The following FGF12 variants were observed in gnomAD, a reference collection of about 807,000 sequenced individuals.
The protein encoded by FGF12 is fibroblast growth factor 12.
Under a neutral mutation model 23.6 loss-of-function variants are expected in FGF12, and 14 were observed. The ratio of observed to expected loss-of-function variants is 0.59; its 90% CI spans 0.39 to 0.93. FGF12 has a LOEUF of 0.93. Among genes scored for constraint, FGF12 ranks in the 40% least tolerant of loss-of-function variants. FGF12 has a pLI of 0.00. For synonymous variants in FGF12, 62 were observed against 77.3 expected (o/e 0.80, Z 1.04); for missense variants, 175 against 217.8 (o/e 0.80, Z 1.24).
intron 2 of FGF12, among the ~76,000 whole-genome samples, chr3:192,378,223 G>A (rs1279326100): frequency 1.3e-5 from 2 of 148,942 alleles, no homozygotes; most frequent in South Asian, 2.1e-4. Flanking sequence ...AGATTCTCCC[G>A]CCTTAGCCTC....
chr3:192,270,675 A>T (rs568023047), intron 4 of FGF12, among the ~76,000 whole-genome samples: 1 of 152,250 alleles, frequency 6.6e-6, no homozygotes, highest in East Asian at 1.9e-4. Flanking sequence ...ATGTTTCCAC[A>T]CTTACATAAC....
chr3:192,376,277 T>C (rs1380318654), intron 2 of FGF12, among the ~76,000 whole-genome samples: 1 of 151,774 alleles, frequency 6.6e-6, no homozygotes, highest in East Asian at 1.9e-4. Flanking sequence ...TAGAGCTTAT[T>C]TTTGAACACA....
At chr3:192,337,841 ATATTACCTCAGTAATATTTTTTAGTT>A (rs1173160281) in intron 3 of FGF12, among the ~76,000 whole-genome samples, 7 of 152,204 alleles carry the variant, frequency 4.6e-5, no homozygotes, top group African/African-American at 1.7e-4. Context: ...AAAAACTGAC[ATATTACCTCAGTAATATTTTTTAGTT>A]TATATTCAGC....
At chr3:192,432,825 C>T (rs749288447) in intron 2 of FGF12, among the ~76,000 whole-genome samples, 4 of 151,920 alleles carry the variant, frequency 2.6e-5, no homozygotes, top group South Asian at 2.1e-4. Context: ...AAGCTGTGTC[C>T]GGTTTACTGA....
chr3:192,666,928 T>TAGAC, intron 2 of FGF12, among the ~76,000 whole-genome samples: 1 of 143,292 alleles, frequency 7.0e-6, no homozygotes, highest in South Asian at 2.5e-4. Context: ...GATAGATAGA[T>TAGAC]AGATAGATAG....
In FGF12 at chr3:192,514,843, G is replaced by GGTCCCGA. The variant is rs1443023589; in HGVS notation, c.14-154312_14-154306dup. 3.0e-6 allele frequency: 3 copies of GGTCCCGA among 985,222 alleles called. No homozygotes were observed. The highest frequency in any genetic ancestry group is 2.4e-6 in the Non-Finnish European group (2 of 829,904). 61.0% of individuals were successfully genotyped at this position (985,222 alleles called of 1,614,324 possible). On this transcript the variant is annotated intron_variant, in intron 2 of 5. Coordinates refer to ENST00000445105, the MANE Select transcript of FGF12 (RefSeq NM_004113.6). The surrounding 1 kb of genome is among the most constrained non-coding windows in gnomAD (Gnocchi z 4.9). Reference sequence around the variant, plus strand: ...ACAGGCGGCCTGTCTTCGGAAGCCGGGTCCCGAGTCCATCGCGCGCGCCCA... The same window carrying GGTCCCGA: ...ACAGGCGGCCTGTCTTCGGAAGCCGGGTCCCGAGTCCCGAGTCCATCGCGCGCGCCCA...
At chr3:192,508,922 T>C (rs1044373987) in intron 2 of FGF12, among the ~76,000 whole-genome samples, 2 of 152,166 alleles carry the variant, frequency 1.3e-5, no homozygotes, top group African/African-American at 4.8e-5. Context: ...TAAGGGTTGT[T>C]GAACTGAAAC....
intron 2 of FGF12, among the ~76,000 whole-genome samples, chr3:192,711,940 CAAAAAAAA>C (rs60779864): frequency 7.9e-5 from 4 of 50,830 alleles, no homozygotes; most frequent in East Asian, 4.7e-4. Context: ...CAAGAACGAT[CAAAAAAAA>C]AAAAAAAAAA....
At chr3:192,242,472 T>C (rs1387448606) in intron 4 of FGF12, among the ~76,000 whole-genome samples, 2 of 152,060 alleles carry the variant, frequency 1.3e-5, no homozygotes, top group East Asian at 3.9e-4. Context: ...TGAGAACCAC[T>C]GAAGTAGCCC....
At chr3:192,456,250 T>C (rs1376832420) in intron 2 of FGF12, among the ~76,000 whole-genome samples, 1 of 152,248 alleles carries the variant, frequency 6.6e-6, no homozygotes, top group Non-Finnish European at 1.5e-5. Flanking sequence ...TATCAAAAAT[T>C]TCTTTCTACT....
chr3:192,353,170 AAC>A (rs1404261661), intron 3 of FGF12, among the ~76,000 whole-genome samples: 1 of 152,182 alleles, frequency 6.6e-6, no homozygotes, highest in African/African-American at 2.4e-5. Flanking sequence ...CAGAGCCAAA[AAC>A]AGATCAAAGA....
intron 2 of FGF12, among the ~76,000 whole-genome samples, chr3:192,376,687 T>C (rs1189775099): frequency 1.3e-5 from 2 of 152,208 alleles, no homozygotes; most frequent in African/African-American, 4.8e-5. Context: ...TCTTCAAAAT[T>C]CACCTTTTTT....
At chr3:192,254,965 C>T (rs1393883142) in intron 4 of FGF12, among the ~76,000 whole-genome samples, 1 of 151,932 alleles carries the variant, frequency 6.6e-6, no homozygotes, top group Admixed American at 6.6e-5. Context: ...GCATATCATG[C>T]CATAGGTCTA....
chr3:192,587,652 T>C (rs1713426031), intron 2 of FGF12, among the ~76,000 whole-genome samples: 1 of 151,720 alleles, frequency 6.6e-6, no homozygotes, highest in African/African-American at 2.4e-5. Context: ...CCTATCACTG[T>C]ATTTTTAATT....
At chr3:192,572,241 C>A (rs1712671727) in intron 2 of FGF12, among the ~76,000 whole-genome samples, 1 of 152,142 alleles carries the variant, frequency 6.6e-6, no homozygotes, top group African/African-American at 2.4e-5. Flanking sequence ...CCTCCAGGAA[C>A]ATAAAACTGA....
At chr3:192,499,167 C>T (rs866253696) in intron 2 of FGF12, among the ~76,000 whole-genome samples, 7 of 151,976 alleles carry the variant, frequency 4.6e-5, no homozygotes, top group Non-Finnish European at 7.4e-5. Context: ...ACGCTTTGGA[C>T]GTACACTATT....
chr3:192,479,133 T>C (rs1055731402), intron 2 of FGF12, among the ~76,000 whole-genome samples: 1 of 152,218 alleles, frequency 6.6e-6, no homozygotes, highest in African/African-American at 2.4e-5. Flanking sequence ...ACAGGAAATA[T>C]ATTCCCTTTT....
intron 2 of FGF12, among the ~76,000 whole-genome samples, chr3:192,725,418 A>C (rs1384481272): frequency 6.6e-6 from 1 of 152,068 alleles, no homozygotes; most frequent in Non-Finnish European, 1.5e-5. Flanking sequence ...TTGACATAGA[A>C]CTTCTGAACT....
intron 2 of FGF12, among the ~76,000 whole-genome samples, chr3:192,562,344 TA>T (rs1432816891): frequency 6.6e-6 from 1 of 152,218 alleles, no homozygotes; most frequent in Non-Finnish European, 1.5e-5. Flanking sequence ...CAAAACTCAA[TA>T]AATTACACAT....
Sources: allele counts gnomAD v4.1 joint callset (sites outside exome capture counted in the v4.1 genomes callset), GRCh38; gene constraint gnomAD v4.1.1; non-coding constraint Gnocchi (gnomAD v3.1); transcripts MANE v1.5; gene names NCBI Gene and HGNC (gene_info 2026-07-23, HGNC 2026-07-21).